Variants in FRMD5 observed in about 807,000 individuals in gnomAD.
The protein encoded by FRMD5 is FERM domain containing 5.
In FRMD5, 20 loss-of-function variants were observed where a neutral mutation model predicts 69.0. The ratio of observed to expected loss-of-function variants is 0.29; its 90% CI spans 0.20 to 0.42. The LOEUF (loss-of-function observed/expected upper bound fraction) is 0.42, where lower values mean the gene tolerates loss of function less well. FRMD5 is among the 10% of genes least tolerant of loss of function. FRMD5 has a pLI of 1.00. For synonymous variants in FRMD5, 271 were observed against 260.1 expected, an observed-to-expected ratio of 1.04 and a Z score of -0.40; for missense variants, 595 against 708.6, an observed-to-expected ratio of 0.84 and a Z score of 1.82.
At chr15:44,159,141 G>A (rs181364912) in intron 1 of FRMD5, among the ~76,000 whole-genome samples, 133 of 152,282 alleles carry the variant, frequency 8.7e-4, no homozygotes, top group Admixed American at 4.4e-3. Flanking sequence ...TTGGGATGAT[G>A]AAAACATTCT....
intron 1 of FRMD5, among the ~76,000 whole-genome samples, chr15:44,112,034 G>A (rs929840604): frequency 6.6e-6 from 1 of 151,842 alleles, no homozygotes; most frequent in East Asian, 1.9e-4. Flanking sequence ...TAGTAGAGAC[G>A]GGGTTTCACC....
intron 7 of FRMD5, among the ~76,000 whole-genome samples, chr15:43,893,916 A>G (rs1375584650): frequency 6.6e-6 from 1 of 152,234 alleles, no homozygotes; most frequent in Non-Finnish European, 1.5e-5. Flanking sequence ...ATCTGGGTCC[A>G]GGGAATAAAC....
rs1351866118 is a variant in FRMD5, at chr15:43,871,412, ATCAC to A, written c.*2469_*2472del. 6.6e-6 allele frequency: 1 copy of A among 152,274 alleles called. No homozygotes were observed. Among genetic ancestry groups the A allele is most frequent in the Admixed American group, 6.5e-5 (1 of 15,290 alleles). The allele number at this position is 152,274 out of a possible 1,614,324, so 9.4% of individuals were successfully genotyped here. On this transcript the variant is annotated 3_prime_UTR_variant, in exon 14 of 14. Transcript: ENST00000417257. ...AATATGAAAGGTCAGAGTTGAGGCT[ATCAC>A]TCACTGCATAGAAACACCAGATTCT... is the stretch of plus-strand genomic sequence containing the variant.
At chr15:43,876,774 C>T (rs2088371510) in intron 13 of FRMD5, among the ~76,000 whole-genome samples, 1 of 152,224 alleles carries the variant, frequency 6.6e-6, no homozygotes, top group African/African-American at 2.4e-5. Flanking sequence ...GGCCAGCTCC[C>T]TCTCTTTTCC....
chr15:43,873,837 C>T lies in FRMD5; in HGVS notation c.*48G>A, dbSNP rs150478495. On this transcript the variant is annotated 3_prime_UTR_variant, in exon 14 of 14. Transcript: ENST00000417257. Reference sequence around the variant, plus strand: ...GGTCCCATTGCTGGGAATGGGTAGCCGGGTTCCTTGGTCCACCTGGCTAGT... The same window carrying T: ...GGTCCCATTGCTGGGAATGGGTAGCTGGGTTCCTTGGTCCACCTGGCTAGT... 474 of 1,600,708 alleles carry T rather than the reference C, an allele frequency of 3.0e-4. 3 individuals carry two copies. The African/African-American group carries it at 5.6e-3, about 19-fold the overall frequency.
intron 1 of FRMD5, among the ~76,000 whole-genome samples, chr15:44,033,414 T>C (rs1282689292): frequency 6.6e-6 from 1 of 152,170 alleles, no homozygotes; most frequent in Non-Finnish European, 1.5e-5. Context: ...ATAAAGTTTT[T>C]CAAACTGATA....
intron 1 of FRMD5, among the ~76,000 whole-genome samples, chr15:44,028,582 A>G (rs1435264297): frequency 2.0e-5 from 3 of 152,182 alleles, no homozygotes; most frequent in Non-Finnish European, 4.4e-5. Context: ...GAGCCCCCAT[A>G]GTTCCCATAA....
At chr15:44,151,993 T>A (rs1481841497) in intron 1 of FRMD5, among the ~76,000 whole-genome samples, 1 of 152,126 alleles carries the variant, frequency 6.6e-6, no homozygotes, top group African/African-American at 2.4e-5. Context: ...GCAGGTCACT[T>A]GAGGTCAGGA....
chr15:44,116,466 T>C (rs1166729695), intron 1 of FRMD5, among the ~76,000 whole-genome samples: 2 of 152,120 alleles, frequency 1.3e-5, no homozygotes, highest in Non-Finnish European at 2.9e-5. Flanking sequence ...GCCTGTGTCC[T>C]GACTACAGGG....
intron 1 of FRMD5, among the ~76,000 whole-genome samples, chr15:44,028,894 G>C (rs932266276): frequency 6.6e-6 from 1 of 152,172 alleles, no homozygotes. Context: ...TGGATATTTA[G>C]GTAATTTTTC....
chr15:44,110,235 G>A (rs1031888655), intron 1 of FRMD5, among the ~76,000 whole-genome samples: 1 of 152,140 alleles, frequency 6.6e-6, no homozygotes, highest in African/African-American at 2.4e-5. Flanking sequence ...CCAGGCTGGA[G>A]CACAGTAGAT....
intron 1 of FRMD5, among the ~76,000 whole-genome samples, chr15:44,095,961 C>T (rs886411170): frequency 6.6e-6 from 1 of 152,144 alleles, no homozygotes; most frequent in Non-Finnish European, 1.5e-5. Context: ...AATCCCAATA[C>T]TTTGGGAGGC....
At chr15:44,069,967 T>C (rs776263436) in intron 1 of FRMD5, among the ~76,000 whole-genome samples, 2 of 152,166 alleles carry the variant, frequency 1.3e-5, no homozygotes, top group Non-Finnish European at 2.9e-5. Context: ...AAGAGGATTA[T>C]AATAACTACT....
At chr15:43,900,721 G>A (rs1171388907) in intron 7 of FRMD5, among the ~76,000 whole-genome samples, 3 of 151,370 alleles carry the variant, frequency 2.0e-5, no homozygotes, top group Non-Finnish European at 2.9e-5. Flanking sequence ...GAGTTCATGC[G>A]ATTCTCCTGC....
At chr15:43,925,781 G>T (rs1362510134) in intron 1 of FRMD5, among the ~76,000 whole-genome samples, 1 of 152,120 alleles carries the variant, frequency 6.6e-6, no homozygotes, top group East Asian at 1.9e-4. Flanking sequence ...CATTCCCTCT[G>T]CCGGGAATGT....
intron 11 of FRMD5, 101 bp from the exon 12 acceptor site, chr15:43,884,896 C>T: frequency 1.0e-6 from 1 of 992,784 alleles, no homozygotes; most frequent in Non-Finnish European, 1.6e-6. Flanking sequence ...CAGGAAATGG[C>T]ATCTGTGGCC....
intron 1 of FRMD5, among the ~76,000 whole-genome samples, chr15:44,109,032 C>T (rs746496337): frequency 1.8e-4 from 26 of 140,802 alleles, no homozygotes; most frequent in Admixed American, 3.4e-4. Flanking sequence ...TTTGCCAATG[C>T]CATTGCCAGA....
intron 5 of FRMD5, among the ~76,000 whole-genome samples, chr15:43,907,072 T>A (rs1376303537): frequency 1.3e-5 from 2 of 152,032 alleles, no homozygotes; most frequent in African/African-American, 4.8e-5. Context: ...GAATCCAGCT[T>A]TTTCCACGTG....
At chr15:43,959,015 A>G (rs1312697164) in intron 1 of FRMD5, among the ~76,000 whole-genome samples, 1 of 152,156 alleles carries the variant, frequency 6.6e-6, no homozygotes, top group Non-Finnish European at 1.5e-5. Flanking sequence ...AAGGGAGCTG[A>G]AAAAAAGCCT....
Sources: allele counts gnomAD v4.1 joint callset (sites outside exome capture counted in the v4.1 genomes callset), GRCh38; gene constraint gnomAD v4.1.1; transcripts MANE v1.5; gene names NCBI Gene and HGNC (gene_info 2026-07-23, HGNC 2026-07-21).